The following LIMD1 variants were observed in gnomAD, a reference collection of about 807,000 sequenced individuals.
The protein encoded by LIMD1 is LIM domain containing 1.
LIMD1 carries 23 observed loss-of-function variants against 58.4 expected under a neutral mutation model. The ratio of observed to expected loss-of-function variants is 0.39; its 90% CI spans 0.28 to 0.56. The LOEUF (loss-of-function observed/expected upper bound fraction) is 0.56. Ranked by LOEUF, LIMD1 falls within the 20% of genes least tolerant of loss-of-function variation. The pLI, the probability that LIMD1 is intolerant of heterozygous loss-of-function variation, is 0.57. For synonymous variants in LIMD1, 334 were observed against 345.5 expected (o/e 0.97, Z 0.37); for missense variants, 838 against 855.5 (o/e 0.98, Z 0.25).
intron 2 of LIMD1, among the ~76,000 whole-genome samples, chr3:45,654,731 C>A (rs1250266709): frequency 6.9e-6 from 1 of 145,316 alleles, no homozygotes; most frequent in African/African-American, 2.6e-5. Flanking sequence ...CTACTCAAGG[C>A]TGAGGTGGGA....
chr3:45,663,266 C>T (rs1559525154), intron 2 of LIMD1, among the ~76,000 whole-genome samples: 1 of 152,198 alleles, frequency 6.6e-6, no homozygotes, highest in Non-Finnish European at 1.5e-5. Context: ...TTGCCGTGAA[C>T]ATCCATACAT....
intron 7 of LIMD1, among the ~76,000 whole-genome samples, chr3:45,676,609 C>T (rs1294261766): frequency 6.6e-6 from 1 of 152,212 alleles, no homozygotes; most frequent in African/African-American, 2.4e-5. Flanking sequence ...CAGCTTCATC[C>T]ATGTCCCTGC....
chr3:45,674,885 G>A (rs899827662), intron 7 of LIMD1, among the ~76,000 whole-genome samples: 14 of 152,266 alleles, frequency 9.2e-5, no homozygotes, highest in African/African-American at 3.1e-4. Flanking sequence ...GGTGGGGTCC[G>A]CCTGCCCCTT....
chr3:45,601,109 A>G (rs1701407839), intron 1 of LIMD1, among the ~76,000 whole-genome samples: 1 of 152,180 alleles, frequency 6.6e-6, no homozygotes, highest in African/African-American at 2.4e-5. Context: ...ACCACTTGTC[A>G]TAGGCTGGGT....
rs1697678515 is a variant in LIMD1, at chr3:45,676,833, C to T, written c.1894-89C>T. The T allele has an allele frequency of 1.9e-5, 24 of 1,268,554 alleles. No individual in the cohort carries two copies. In the Admixed American group the frequency reaches 3.8e-4, roughly 20 times the overall value. 78.6% of individuals were successfully genotyped at this position (1,268,554 alleles called of 1,614,324 possible). ...CTGCCTATACAGAAACACACAGCAC[C>T]CTCTGCTGATTTTGGGGACTGTGGC... is the stretch of plus-strand genomic sequence containing the variant. On this transcript the variant is annotated intron_variant, in intron 7 of 7. Coordinates refer to ENST00000273317, the MANE Select transcript of LIMD1 (RefSeq NM_014240.3).
intron 1 of LIMD1, among the ~76,000 whole-genome samples, chr3:45,600,592 C>T (rs1701401696): frequency 6.6e-6 from 1 of 152,146 alleles, no homozygotes; most frequent in Non-Finnish European, 1.5e-5. Flanking sequence ...TTTTGGTCTT[C>T]TAGGCGTTGC....
Position 45,668,319 on chromosome 3 carries a change from A to G in LIMD1, c.1604A>G (p.Asp535Gly). The G allele has an allele frequency of 1.9e-6, 3 of 1,613,054 alleles. No homozygotes were observed. Among genetic ancestry groups the G allele is most frequent in the Non-Finnish European group, 1.7e-6 (2 of 1,179,298 alleles). The change falls in exon 4 of 8, where the codon GAC (aspartate) becomes GGC (glycine). Residue 535 changes from aspartate to glycine, a missense_variant. Coordinates refer to ENST00000273317, the MANE Select transcript of LIMD1 (RefSeq NM_014240.3). ...FLYSGFQQSA[D>G]RCFLCGHLIM... is the part of the protein sequence containing the mutation. Reference sequence around the variant, plus strand: ...TACTCTGGTTTCCAGCAGTCGGCTGACAGGTGTTTTCTTTGTGGACATCTG... The same window carrying G: ...TACTCTGGTTTCCAGCAGTCGGCTGGCAGGTGTTTTCTTTGTGGACATCTG...
At chr3:45,648,906 T>G (rs766596938) in intron 2 of LIMD1, among the ~76,000 whole-genome samples, 1 of 152,244 alleles carries the variant, frequency 6.6e-6, no homozygotes, top group Non-Finnish European at 1.5e-5. Context: ...TCCCTGCTCA[T>G]TTTTACTTGG....
At chr3:45,634,896 G>C (rs754334931) in intron 1 of LIMD1, 1 of 152,196 alleles carries the variant, frequency 6.6e-6, no homozygotes, top group Non-Finnish European at 1.5e-5. Flanking sequence ...CAAACTACAG[G>C]AGTCACGGGT....
intron 2 of LIMD1, among the ~76,000 whole-genome samples, chr3:45,647,547 A>G (rs1701919482): frequency 6.6e-6 from 1 of 152,198 alleles, no homozygotes; most frequent in Non-Finnish European, 1.5e-5. Flanking sequence ...CATCCGCAGC[A>G]GCCCTGCAAT....
Position 45,674,228 on chromosome 3 carries a change from G to A in LIMD1, c.1825-115G>A, listed in dbSNP as rs888325561. The A allele has an allele frequency of 4.4e-6, 3 of 677,652 alleles. No homozygotes were observed. The African/African-American group carries it at 5.3e-5, about 12-fold the overall frequency. The allele number at this position is 677,652 out of a possible 1,614,324, so 42.0% of individuals were successfully genotyped here. On this transcript the variant is annotated intron_variant, in intron 6 of 7. Transcript: ENST00000273317. ...CTCCTGATTTACCTTCTCCTCCCAA[G>A]GCCACCTACTTGTTACCCCCAAAAC... is the stretch of plus-strand genomic sequence containing the variant.
intron 2 of LIMD1, among the ~76,000 whole-genome samples, chr3:45,655,184 T>C (rs968256309): frequency 6.6e-6 from 1 of 152,140 alleles, no homozygotes; most frequent in African/African-American, 2.4e-5. Flanking sequence ...CCTCCCAAAG[T>C]GCTGGGATTA....
At chr3:45,603,862 C>A (rs1701442100) in intron 1 of LIMD1, among the ~76,000 whole-genome samples, 1 of 152,080 alleles carries the variant, frequency 6.6e-6, no homozygotes, top group Non-Finnish European at 1.5e-5. Context: ...TATTCTTAAC[C>A]TTTTATTGAT....
intron 1 of LIMD1, among the ~76,000 whole-genome samples, chr3:45,624,413 A>G (rs982856269): frequency 2.6e-5 from 4 of 152,096 alleles, no homozygotes; most frequent in African/African-American, 9.7e-5. Context: ...TTTTTATTTA[A>G]AAGCTTTCCA....
chr3:45,596,475 G>A (rs1372484725), intron 1 of LIMD1, among the ~76,000 whole-genome samples, 188 bp downstream of exon 1: 1 of 152,136 alleles, frequency 6.6e-6, no homozygotes, highest in Non-Finnish European at 1.5e-5. Context: ...AAAGCATCCT[G>A]GGGCAGAAAG....
chr3:45,680,607 T>C lies in LIMD1; in HGVS notation c.*3548T>C, dbSNP rs1697729621. 1 of 151,626 alleles carries C rather than the reference T, an allele frequency of 6.6e-6. No homozygotes were observed. The highest frequency in any genetic ancestry group is 2.1e-4 in the South Asian group (1 of 4,802). The allele number at this position is 151,626 out of a possible 1,614,324, so 9.4% of individuals were successfully genotyped here. A position where few individuals can be genotyped will look rare whatever the true frequency, so the allele number is the denominator to read the frequency against. ...TTGGGATTATGGCCATTAGCCACTG[T>C]ACCTGGCACAATTTTTTTTTGTACC... On this transcript the variant is annotated 3_prime_UTR_variant, in exon 8 of 8. Transcript: ENST00000273317.
intron 2 of LIMD1, among the ~76,000 whole-genome samples, chr3:45,652,450 C>T (rs1701984309): frequency 6.6e-6 from 1 of 152,180 alleles, no homozygotes; most frequent in Non-Finnish European, 1.5e-5. Flanking sequence ...TTTCCTGCCT[C>T]TTTGCATGCC....
At chr3:45,617,107 C>T (rs1449822484) in intron 1 of LIMD1, among the ~76,000 whole-genome samples, 2 of 150,400 alleles carry the variant, frequency 1.3e-5, no homozygotes, top group East Asian at 3.9e-4. Flanking sequence ...CATCTCAGCT[C>T]ACTGCAGCCT....
chr3:45,659,713 A>C (rs1410798930), intron 2 of LIMD1, among the ~76,000 whole-genome samples: 4 of 152,198 alleles, frequency 2.6e-5, no homozygotes, highest in African/African-American at 4.8e-5. Flanking sequence ...ATTTATATGT[A>C]CTCTGGTTTA....
Sources: allele counts gnomAD v4.1 joint callset (sites outside exome capture counted in the v4.1 genomes callset), GRCh38; gene constraint gnomAD v4.1.1; transcripts MANE v1.5; gene names NCBI Gene and HGNC (gene_info 2026-07-23, HGNC 2026-07-21).